DIAPH2: variants seen among roughly 807,000 people sequenced by gnomAD.
The protein encoded by DIAPH2 is protein diaphanous homolog 2.
A neutral mutation model predicts 92.7 loss-of-function variants in DIAPH2; 35 were observed. The observed-to-expected ratio is 0.38, with a 90% CI of 0.29 to 0.50. The LOEUF is 0.50. Ranked by LOEUF, DIAPH2 falls within the 20% of genes least tolerant of loss-of-function variation. The pLI is 0.94. For missense variants in DIAPH2, 701 were observed against 819.5 expected (o/e 0.86, Z 1.77); for synonymous variants, 301 against 280.4 (o/e 1.07, Z -0.73).
intron 4 of DIAPH2, among the ~76,000 whole-genome samples, chrX:96,813,966 T>C (rs905921960): frequency 1.9e-4 from 21 of 111,638 alleles, no homozygotes; most frequent in African/African-American, 6.8e-4. Context: ...CTTTTTTCCT[T>C]CATTTCAACC....
chrX:97,269,759 T>TA (rs2068370505), intron 23 of DIAPH2, among the ~76,000 whole-genome samples: 2 of 108,173 alleles, frequency 1.8e-5, no homozygotes, highest in South Asian at 8.1e-4. Context: ...TTATTTTTTT[T>TA]TTTTTTTTTT....
chrX:97,262,092 T>TAAAAAA (rs35665297), intron 23 of DIAPH2, among the ~76,000 whole-genome samples: 33 of 60,497 alleles, frequency 5.5e-4, no homozygotes, highest in African/African-American at 1.2e-3. Flanking sequence ...GATGAGAAAC[T>TAAAAAA]AAAAAAAAAA....
At chrX:97,352,953 G>A (rs1271700920) in intron 24 of DIAPH2, among the ~76,000 whole-genome samples, 7 of 108,281 alleles carry the variant, frequency 6.5e-5, no homozygotes, top group African/African-American at 2.3e-4. Context: ...ATATTTTGTG[G>A]AAGAAAATCA....
At chrX:96,718,897 C>T (rs779564537) in intron 1 of DIAPH2, among the ~76,000 whole-genome samples, 10 of 111,445 alleles carry the variant, frequency 9.0e-5, no homozygotes, top group African/African-American at 1.6e-4. Flanking sequence ...ACATTCCCAC[C>T]GACAGTGTAC....
chrX:97,524,645 G>A (rs1385177763), intron 26 of DIAPH2, among the ~76,000 whole-genome samples: 2 of 111,726 alleles, frequency 1.8e-5, no homozygotes, highest in African/African-American at 6.5e-5. Flanking sequence ...CCATAGTTGT[G>A]GATTTCTCTA....
rs754376655 is a variant in DIAPH2, at chrX:96,852,730, CTT to C, written c.448-28846_448-28845del. 4.5e-5 allele frequency among the ~76,000 whole-genome samples: 5 copies of C among 111,832 alleles called. No individual in the cohort carries two copies. The East Asian group carries it at 1.1e-3, about 25-fold the overall frequency. On this transcript the variant is annotated intron_variant, in intron 4 of 26. Transcript: ENST00000324765. Reference sequence around the variant, plus strand: ...CCCTTCCAATCCATCCAATGTGACTCTTTTGACATTCTTAAAATAATTGAGAA... The same window carrying C: ...CCCTTCCAATCCATCCAATGTGACTCTTGACATTCTTAAAATAATTGAGAA...
At chrX:97,303,545 A>G (rs957471319) in intron 23 of DIAPH2, among the ~76,000 whole-genome samples, 7 of 111,316 alleles carry the variant, frequency 6.3e-5, no homozygotes, top group Non-Finnish European at 1.1e-4. Flanking sequence ...TATGCATAGG[A>G]GGTATTATTT....
In DIAPH2 at chrX:97,292,788, C is replaced by T. The variant is rs1024364547; in HGVS notation, c.2844+44949C>T. ...TCAAGAGCATGTCTACTATTGTTAT[C>T]GTTGATAATGCTATTTTCACATTAT... On this transcript the variant is annotated intron_variant, in intron 23 of 26. Transcript: ENST00000324765. Among the ~76,000 whole-genome samples, 6 of 111,195 alleles carry T rather than the reference C, an allele frequency of 5.4e-5. No homozygotes were observed. The South Asian group carries it at 1.1e-3, about 21-fold the overall frequency.
intron 26 of DIAPH2, among the ~76,000 whole-genome samples, chrX:97,519,077 A>C (rs1320784237): frequency 8.9e-6 from 1 of 112,061 alleles, no homozygotes; most frequent in African/African-American, 3.2e-5. Context: ...TTGGCTATAC[A>C]TTGTTTGATA....
intron 1 of DIAPH2, among the ~76,000 whole-genome samples, chrX:96,716,663 A>C (rs2063952000): frequency 9.0e-6 from 1 of 110,970 alleles, no homozygotes; most frequent in African/African-American, 3.3e-5. Flanking sequence ...ACTGAGAATT[A>C]GTTTGCATTT....
chrX:97,366,970 G>A (rs1009629917), intron 24 of DIAPH2, among the ~76,000 whole-genome samples: 3 of 111,703 alleles, frequency 2.7e-5, no homozygotes, highest in Non-Finnish European at 5.6e-5. Context: ...GCATACAGAA[G>A]TTTACATTGA....
chrX:97,110,995 C>CAA (rs1361391824), intron 20 of DIAPH2, among the ~76,000 whole-genome samples: 37 of 100,843 alleles, frequency 3.7e-4, no homozygotes, highest in African/African-American at 1.2e-3. Flanking sequence ...AAAAAACAAA[C>CAA]AAAAAAAAAA....
At chrX:97,340,581 T>C (rs2069103903) in intron 23 of DIAPH2, among the ~76,000 whole-genome samples, 1 of 111,422 alleles carries the variant, frequency 9.0e-6, no homozygotes, top group Non-Finnish European at 1.9e-5. Flanking sequence ...CATGAAAATG[T>C]CATTCTGTTT....
At chrX:97,378,456 A>T (rs1370680562) in intron 24 of DIAPH2, among the ~76,000 whole-genome samples, 1 of 110,241 alleles carries the variant, frequency 9.1e-6, no homozygotes, top group South Asian at 3.9e-4. Flanking sequence ...CCGAGGCAGG[A>T]GGATCACTTG....
In DIAPH2 at chrX:96,785,389, T is replaced by G. The variant is rs140309428; in HGVS notation, c.447+27131T>G. On this transcript the variant is annotated intron_variant, in intron 4 of 26. Coordinates refer to ENST00000324765, the MANE Select transcript of DIAPH2 (RefSeq NM_006729.5). ...ATTTCGTGAGGGCTCTCTTGCTGCATCCTCTGGAGGGTGCCACGGACAATG... is the reference window on the plus strand; with the variant it reads ...ATTTCGTGAGGGCTCTCTTGCTGCAGCCTCTGGAGGGTGCCACGGACAATG... Among the ~76,000 whole-genome samples the G allele has an allele frequency of 1.3e-3, 136 of 108,793 alleles. 1 individual carries two copies. Among genetic ancestry groups the G allele is most frequent in the Non-Finnish European group, 2.3e-3 (121 of 52,539 alleles). 94.5% of individuals were successfully genotyped at this position (108,793 alleles called of 115,157 possible).
intron 22 of DIAPH2, among the ~76,000 whole-genome samples, chrX:97,235,248 T>C (rs1056060462): frequency 2.7e-5 from 3 of 112,202 alleles, no homozygotes; most frequent in African/African-American, 9.7e-5. Context: ...TTTGAATAGA[T>C]GGAGAATTCT....
chrX:96,982,955 A>T (rs1016258486), intron 17 of DIAPH2, among the ~76,000 whole-genome samples: 2 of 111,453 alleles, frequency 1.8e-5, no homozygotes, highest in African/African-American at 6.5e-5. Flanking sequence ...AATACTTCAG[A>T]CTGCGGCAAA....
At chrX:96,730,883 A>G (rs1372464891) in intron 1 of DIAPH2, among the ~76,000 whole-genome samples, 8 of 110,687 alleles carry the variant, frequency 7.2e-5, no homozygotes, top group Non-Finnish European at 1.5e-4. Context: ...GAGTCCGAAA[A>G]GAGAGTCAGT....
chrX:97,309,445 G>C (rs1444926231), intron 23 of DIAPH2, among the ~76,000 whole-genome samples: 1 of 111,303 alleles, frequency 9.0e-6, no homozygotes, highest in Non-Finnish European at 1.9e-5. Flanking sequence ...GCATTCTCAA[G>C]ACTTAAATAA....
Sources: gnomAD v4.1 joint callset for allele counts (sites outside exome capture counted in the v4.1 genomes callset) on GRCh38, gnomAD v4.1.1 for gene constraint, MANE v1.5 for transcripts, NCBI Gene and HGNC (gene_info 2026-07-23, HGNC 2026-07-21) for gene names.